Variants in GRIA4 observed in about 807,000 individuals in gnomAD.
GRIA4 encodes glutamate receptor 4.
Under a neutral mutation model 104.0 loss-of-function variants are expected in GRIA4, and 34 were observed. The observed-to-expected ratio is 0.33, with a 90% CI of 0.25 to 0.44. The LOEUF is 0.44. Ranked by LOEUF, GRIA4 falls within the 20% of genes least tolerant of loss-of-function variation. The pLI is 1.00. For synonymous variants in GRIA4, 386 were observed against 381.9 expected, an observed-to-expected ratio of 1.01 and a Z score of -0.13; for missense variants, 750 against 1,096.5, an observed-to-expected ratio of 0.68 and a Z score of 4.46.
intron 11 of GRIA4, among the ~76,000 whole-genome samples, chr11:105,922,626 T>C (rs533589898): frequency 6.6e-6 from 1 of 152,238 alleles, no homozygotes; most frequent in Non-Finnish European, 1.5e-5. Context: ...TACTTTTAAC[T>C]TGTATACTGA....
chr11:105,668,575 C>T (rs970368516), intron 3 of GRIA4, among the ~76,000 whole-genome samples: 3 of 151,174 alleles, frequency 2.0e-5, no homozygotes, highest in Admixed American at 6.6e-5. Flanking sequence ...AATTGCTGTG[C>T]CATTTTTCAT....
chr11:105,724,770 C>A (rs1401997547), intron 3 of GRIA4, among the ~76,000 whole-genome samples: 1 of 152,050 alleles, frequency 6.6e-6, no homozygotes, highest in Non-Finnish European at 1.5e-5. Context: ...GTACTTATAG[C>A]CCTTAAATTT....
Position 105,981,946 on chromosome 11 carries a change from T to C in GRIA4, c.*2207T>C, listed in dbSNP as rs1203432332. On this transcript the variant is annotated 3_prime_UTR_variant, in exon 17 of 17. Transcript: ENST00000282499. ...CGGCACTTACCATACTGCGTTGTAA[T>C]TGCCTGTGTACTCGTCTGTATAACT... The C allele has an allele frequency of 1.3e-5, 2 of 151,324 alleles. No homozygotes were observed. Among genetic ancestry groups the C allele is most frequent in the East Asian group, 4.0e-4 (2 of 4,998 alleles). The allele number at this position is 151,324 out of a possible 1,614,324, so 9.4% of individuals were successfully genotyped here.
At position 105,826,682 on chromosome 11, in the gene GRIA4, C is replaced by T. The variant is rs149099371; in HGVS notation, c.488-35342C>T. Among the ~76,000 whole-genome samples, 76 of 152,114 alleles carry T rather than the reference C, an allele frequency of 5.0e-4. No homozygotes were observed. In the East Asian group the frequency reaches 0.011, roughly 23 times the overall value. ...TTGGTTTCGGAAGTCACATATTTCT[C>T]GCCTTTCTCACTCAGCGAGGGTTTG... On this transcript the variant is annotated intron_variant, in intron 4 of 16. Transcript: ENST00000282499.
chr11:105,683,088 T>A (rs1351197176), intron 3 of GRIA4, among the ~76,000 whole-genome samples: 1 of 152,162 alleles, frequency 6.6e-6, no homozygotes, highest in East Asian at 1.9e-4. Flanking sequence ...AAAATAAATT[T>A]GCTAAACTAA....
intron 4 of GRIA4, among the ~76,000 whole-genome samples, chr11:105,768,161 C>T (rs563448218): frequency 2.0e-5 from 3 of 152,230 alleles, no homozygotes; most frequent in African/African-American, 7.2e-5. Context: ...TATGAGAGCA[C>T]ATAATGGCAG....
Position 105,717,531 on chromosome 11 carries a change from GT to G in GRIA4, c.248-35440del, listed in dbSNP as rs1011903978. On this transcript the variant is annotated intron_variant, in intron 3 of 16. Transcript: ENST00000282499. Reference sequence around the variant, plus strand: ...AATTTCTAAAAAGACATTCTTACAAGTTTTTTTTTTCTTGGAAGGGAGGAAT... The same window carrying G: ...AATTTCTAAAAAGACATTCTTACAAGTTTTTTTTTCTTGGAAGGGAGGAAT... Among the ~76,000 whole-genome samples the G allele has an allele frequency of 2.7e-4, 41 of 149,466 alleles. 1 individual carries two copies. The highest frequency in any genetic ancestry group is 3.9e-4 in the Non-Finnish European group (26 of 67,150).
intron 3 of GRIA4, among the ~76,000 whole-genome samples, chr11:105,661,342 T>C (rs1259988948): frequency 6.6e-6 from 1 of 151,614 alleles, no homozygotes; most frequent in Non-Finnish European, 1.5e-5. Flanking sequence ...TATTGGTTTG[T>C]TTAATGAGGT....
At chr11:105,800,239 CATG>C (rs1942662901) in intron 4 of GRIA4, among the ~76,000 whole-genome samples, 1 of 151,964 alleles carries the variant, frequency 6.6e-6, no homozygotes, top group African/African-American at 2.4e-5. Context: ...AAGGTATAAA[CATG>C]AGAGTGAGTG....
At chr11:105,960,823 C>T (rs890286385) in intron 14 of GRIA4, among the ~76,000 whole-genome samples, 5 of 152,218 alleles carry the variant, frequency 3.3e-5, no homozygotes, top group Non-Finnish European at 5.9e-5. Flanking sequence ...ACAGTTTCCC[C>T]GGATGGGTAG....
At chr11:105,960,452 G>A (rs759173146) in intron 14 of GRIA4, among the ~76,000 whole-genome samples, 1 of 152,192 alleles carries the variant, frequency 6.6e-6, no homozygotes, top group Non-Finnish European at 1.5e-5. Context: ...TGGGCTGTGG[G>A]GACAAGTCTT....
chr11:105,725,122 TATG>T (rs577392244), intron 3 of GRIA4, among the ~76,000 whole-genome samples: 72 of 152,304 alleles, frequency 4.7e-4, no homozygotes, highest in Non-Finnish European at 9.6e-4. Flanking sequence ...TCCTGTTAAA[TATG>T]ATAATATATG....
intron 16 of GRIA4, among the ~76,000 whole-genome samples, chr11:105,978,173 G>A (rs1324877206): frequency 6.6e-6 from 1 of 151,926 alleles, no homozygotes; most frequent in Admixed American, 6.6e-5. Flanking sequence ...CCTATATAAG[G>A]TCATTCATCC....
intron 3 of GRIA4, among the ~76,000 whole-genome samples, chr11:105,708,370 T>C (rs1275247630): frequency 1.3e-5 from 2 of 152,092 alleles, no homozygotes; most frequent in East Asian, 3.9e-4. Context: ...TTCAGTATAC[T>C]TTTCTGTAAT....
At chr11:105,638,248 G>T (rs570551110) in intron 3 of GRIA4, among the ~76,000 whole-genome samples, 1 of 152,208 alleles carries the variant, frequency 6.6e-6, no homozygotes, top group African/African-American at 2.4e-5. Context: ...AAAGTAGCAG[G>T]CAGGTCATGC....
rs144929518 is a variant in GRIA4 at position 105,615,718 on chromosome 11, C to G, written c.247+3284C>G. ...ATAGTTATCTTTGCAAACAAAAATG[C>G]TAGTTTAATTGGATATGTCCATCAC... is the stretch of plus-strand genomic sequence containing the variant. On this transcript the variant is annotated intron_variant, in intron 3 of 16. Coordinates refer to ENST00000282499, the MANE Select transcript of GRIA4 (RefSeq NM_000829.4). Among the ~76,000 whole-genome samples, 1,102 of 151,774 alleles carry G rather than the reference C, an allele frequency of 7.3e-3. 8 individuals carry two copies. Among genetic ancestry groups the G allele is most frequent in the African/African-American group, 0.023 (942 of 41,506 alleles).
chr11:105,786,495 A>C (rs1941973143), intron 4 of GRIA4, among the ~76,000 whole-genome samples: 1 of 152,212 alleles, frequency 6.6e-6, no homozygotes, highest in Admixed American at 6.5e-5. Flanking sequence ...TCCAAGACTG[A>C]AGTATAATCA....
intron 4 of GRIA4, among the ~76,000 whole-genome samples, chr11:105,786,618 T>G (rs563970582): frequency 3.3e-4 from 50 of 152,314 alleles, no homozygotes; most frequent in Middle Eastern, 3.4e-3. Context: ...CTTTCCCTTC[T>G]AATTCAGTGG....
intron 4 of GRIA4, among the ~76,000 whole-genome samples, chr11:105,756,349 G>A (rs2135704563): frequency 6.6e-6 from 1 of 152,244 alleles, no homozygotes; most frequent in African/African-American, 2.4e-5. Context: ...TGTCTGGACT[G>A]CAGATCACAA....
Sources: gnomAD v4.1 joint callset for allele counts (sites outside exome capture counted in the v4.1 genomes callset) on GRCh38, gnomAD v4.1.1 for gene constraint, MANE v1.5 for transcripts, NCBI Gene and HGNC (gene_info 2026-07-23, HGNC 2026-07-21) for gene names.